The following OR4C6 variants were observed in gnomAD, a reference collection of about 807,000 sequenced individuals.
The protein encoded by OR4C6 is olfactory receptor 4C6.
In OR4C6, 20 loss-of-function variants were observed where a neutral mutation model predicts 13.9. The observed-to-expected ratio is 1.43, with a 90% CI of 1.01 to 2.08. The LOEUF (loss-of-function observed/expected upper bound fraction) is 2.08, where lower values mean the gene tolerates loss of function less well. OR4C6 is among the 30% of genes most tolerant of loss of function. OR4C6 has a pLI of 0.00. For synonymous variants in OR4C6, 193 were observed against 141.5 expected (o/e 1.36, Z -2.58); for missense variants, 555 against 381.2 (o/e 1.46, Z -3.80).
Position 55,665,761 on chromosome 11 carries a change from C to T in OR4C6, c.595C>T (p.Leu199Phe), listed in dbSNP as rs751563358. 2 of 1,613,892 alleles carry T rather than the reference C, an allele frequency of 1.2e-6. No homozygotes were observed. The highest frequency in any genetic ancestry group is 1.1e-5 in the South Asian group (1 of 91,080). ...DTHILGLLVT[L>F]NSGMMCVAIF... ...CCACATCCTGGGCCTCTTAGTTACCCTCAACAGTGGGATGATGTGTGTGGC... is the reference window on the plus strand; with the variant it reads ...CCACATCCTGGGCCTCTTAGTTACCTTCAACAGTGGGATGATGTGTGTGGC... The change falls in exon 2 of 2, where the codon CTC becomes TTC. Residue 199 changes from leucine to phenylalanine, a missense_variant. Leu to Phe is a conservative substitution (Grantham distance 22, BLOSUM62 0). Transcript: ENST00000314259.
At chr11:55,665,054 A>G in intron 1 of OR4C6, 71 bp from the exon 2 acceptor site, 2 of 671,726 alleles carry the variant, frequency 3.0e-6, no homozygotes, top group Non-Finnish European at 2.6e-6. Flanking sequence ...CAAAGAACAA[A>G]TTCCCTGAGG....
At chr11:55,665,013 A>T (rs1858718018) in intron 1 of OR4C6, 112 bp from the exon 2 acceptor site, 1 of 585,730 alleles carries the variant, frequency 1.7e-6, no homozygotes, top group East Asian at 2.8e-5. Context: ...TTAGAAGTCA[A>T]ATGCCTAGAT....
At position 55,665,703 on chromosome 11, in the gene OR4C6, G is replaced by C. The variant is rs1858736427; in HGVS notation, c.537G>C (p.Leu179Phe). 6.2e-7 allele frequency: 1 copy of C among 1,613,912 alleles called. No individual in the cohort carries two copies. Among genetic ancestry groups the C allele is most frequent in the Non-Finnish European group, 8.5e-7 (1 of 1,179,996 alleles). ...TCATAGATCACTTTATATGTGATTTGTTTCAGTTGTTGACACTTGCCTGCA... is the reference window on the plus strand; with the variant it reads ...TCATAGATCACTTTATATGTGATTTCTTTCAGTTGTTGACACTTGCCTGCA... ...PNIIDHFICD[L>F]FQLLTLACTD... Residue 179 changes from leucine (L) to phenylalanine (F), a missense_variant, in exon 2 of 2, where the codon TTG becomes TTC. Leu to Phe is a conservative substitution (Grantham distance 22). Coordinates refer to ENST00000314259, the MANE Select transcript of OR4C6 (RefSeq NM_001004704.2).
rs1432290746 is a variant in OR4C6, at chr11:55,665,321, G to T, written c.155G>T (p.Ser52Ile). Residue 52 changes from serine (S) to isoleucine (I), a missense_variant, in exon 2 of 2, where the codon AGT becomes ATT. Coordinates refer to ENST00000314259, the MANE Select transcript of OR4C6 (RefSeq NM_001004704.2). ...LIVVTIITSQ[S>I]LRSPMYFFLT... is the part of the protein sequence containing the mutation. ...GTGGTAACTATTATCACAAGTCAGA[G>T]TCTGAGGTCACCTATGTATTTTTTT... 2.1e-5 allele frequency: 34 copies of T among 1,613,688 alleles called. 1 individual carries two copies. In the Admixed American group the frequency reaches 5.0e-4, roughly 24 times the overall value.
In OR4C6 at chr11:55,665,982, A is replaced by T. The variant is rs755302798; in HGVS notation, c.816A>T (p.Ser272=). The T allele has an allele frequency of 3.4e-5, 55 of 1,613,512 alleles. No individual in the cohort carries two copies. The highest frequency in any genetic ancestry group is 4.2e-6 in the Non-Finnish European group (5 of 1,179,704). Residue 272 remains serine (S), a synonymous_variant, in exon 2 of 2, where the codon TCA becomes TCT. Coordinates refer to ENST00000314259, the MANE Select transcript of OR4C6 (RefSeq NM_001004704.2). ...THPIDKAMAV[S]DSIITPMLNP... is the part of the protein sequence containing the mutation. The stretch of plus-strand genomic sequence containing the variant: ...CCATAGACAAGGCAATGGCTGTGTC[A>T]GACTCAATCATCACACCCATGTTAA...
chr11:55,665,449 T>G lies in OR4C6; in HGVS notation c.283T>G (p.Cys95Gly). 3.7e-6 allele frequency: 6 copies of G among 1,613,878 alleles called. No homozygotes were observed. The highest frequency in any genetic ancestry group is 5.1e-6 in the Non-Finnish European group (6 of 1,179,996). ...SKSTTISLKG[C>G]LTQLFVEHFF... is the part of the protein sequence containing the mutation. ...GAGCACTACCATCTCTCTCAAAGGC[T>G]GCCTCACCCAGCTGTTTGTGGAGCA... Residue 95 changes from cysteine to glycine, a missense_variant, in exon 2 of 2, where the codon TGC (cysteine) becomes GGC (glycine). Transcript: ENST00000314259.
chr11:55,665,739 C>A lies in OR4C6; in HGVS notation c.573C>A (p.His191Gln), dbSNP rs762109098. ...QLLTLACTDT[H>Q]ILGLLVTLNS... ...TGACACTTGCCTGCACGGACACCCA[C>A]ATCCTGGGCCTCTTAGTTACCCTCA... The change falls in exon 2 of 2, where the codon CAC becomes CAA. Residue 191 changes from histidine (H) to glutamine (Q), a missense_variant. By Grantham distance (24) the His-to-Gln change is conservative. Coordinates refer to ENST00000314259, the MANE Select transcript of OR4C6 (RefSeq NM_001004704.2). 1.9e-6 allele frequency: 3 copies of A among 1,613,838 alleles called. No homozygotes were observed. Among genetic ancestry groups the A allele is most frequent in the Admixed American group, 1.7e-5 (1 of 59,986 alleles).
Position 55,665,834 on chromosome 11 carries a change from T to G in OR4C6, c.668T>G (p.Leu223Arg), listed in dbSNP as rs146011191. 1.7e-5 allele frequency: 27 copies of G among 1,613,838 alleles called. No homozygotes were observed. The highest frequency in any genetic ancestry group is 2.3e-5 in the Non-Finnish European group (27 of 1,180,028). ...TCCTACACGGTCATCCTATGCTCCC[T>G]GAAGTCTTACAGCTCTAAAGGGCGG... The part of the protein sequence containing the change: ...IASYTVILCS[L>R]KSYSSKGRHK... Residue 223 changes from leucine (L) to arginine (R), a missense_variant, in exon 2 of 2, where the codon CTG becomes CGG. Leu to Arg is a moderately radical substitution (Grantham distance 102). Transcript: ENST00000314259.
rs1349430862 is a variant in OR4C6, at chr11:55,662,945, C to T, written c.-43+697C>T. Among the ~76,000 whole-genome samples, 39 of 138,812 alleles carry T rather than the reference C, an allele frequency of 2.8e-4. 11 individuals are homozygous for T. The highest frequency in any genetic ancestry group is 8.0e-5 in the Non-Finnish European group (5 of 62,502). 91.1% of individuals were successfully genotyped at this position (138,812 alleles called of 152,430 possible). ...TGCTTCAGAAAATCCAGTCATAATA[C>T]TTATTTCATATGGCCGTTCATGATA... On this transcript the variant is annotated intron_variant, in intron 1 of 1. Coordinates refer to ENST00000314259, the MANE Select transcript of OR4C6 (RefSeq NM_001004704.2).
Position 55,665,146 on chromosome 11 carries a change from A to G in OR4C6, c.-21A>G. 1 of 1,471,738 alleles carries G rather than the reference A, an allele frequency of 6.8e-7. No homozygotes were observed. Among genetic ancestry groups the G allele is most frequent in the Non-Finnish European group, 9.4e-7 (1 of 1,063,876 alleles). The allele number at this position is 1,471,738 out of a possible 1,614,324, so 91.2% of individuals were successfully genotyped here. On this transcript the variant is annotated 5_prime_UTR_variant, in exon 2 of 2. Coordinates refer to ENST00000314259, the MANE Select transcript of OR4C6 (RefSeq NM_001004704.2). ...TTAGGATTCTCAACTCTCAGCTGGAACTCATATCAACACCTGAGAAATGGA... is the reference window on the plus strand; with the variant it reads ...TTAGGATTCTCAACTCTCAGCTGGAGCTCATATCAACACCTGAGAAATGGA...
Position 55,665,869 on chromosome 11 carries a change from C to T in OR4C6, c.703C>T (p.Leu235Phe). 6.2e-7 allele frequency: 1 copy of T among 1,613,934 alleles called. No individual in the cohort carries two copies. Among genetic ancestry groups the T allele is most frequent in the Non-Finnish European group, 8.5e-7 (1 of 1,179,998 alleles). ...SYSSKGRHKA[L>F]STCSSHLTVV... is the part of the protein sequence containing the mutation. Reference sequence around the variant, plus strand: ...CAGCTCTAAAGGGCGGCACAAAGCCCTCTCTACCTGCAGCTCCCACCTCAC... The same window carrying T: ...CAGCTCTAAAGGGCGGCACAAAGCCTTCTCTACCTGCAGCTCCCACCTCAC... The change falls in exon 2 of 2, where the codon CTC (leucine) becomes TTC (phenylalanine). Residue 235 changes from leucine to phenylalanine, a missense_variant. Physicochemically the swap from Leu to Phe is conservative, Grantham distance 22 (BLOSUM62 0). Transcript: ENST00000314259.
In OR4C6 at chr11:55,666,052, A is replaced by G. The variant is rs762535076; in HGVS notation, c.886A>G (p.Met296Val). The G allele has an allele frequency of 1.5e-5, 25 of 1,613,546 alleles. No individual in the cohort carries two copies. The change falls in exon 2 of 2, where the codon ATG (methionine) becomes GTG (valine). Residue 296 changes from methionine (M) to valine (V), a missense_variant. Physicochemically the swap from Met to Val is conservative, Grantham distance 21. Transcript: ENST00000314259. ...TLRNAEVKSAMKKLWMKWEAL... is the reference protein window; with the variant it reads ...TLRNAEVKSAVKKLWMKWEAL... ...GAGGAATGCAGAGGTGAAAAGTGCC[A>G]TGAAGAAACTCTGGATGAAATGGGA...
chr11:55,666,004 T>G lies in OR4C6; in HGVS notation c.838T>G (p.Leu280Val). 8 of 1,613,738 alleles carry G rather than the reference T, an allele frequency of 5.0e-6. No homozygotes were observed. Among genetic ancestry groups the G allele is most frequent in the Non-Finnish European group, 6.8e-6 (8 of 1,179,810 alleles). The change falls in exon 2 of 2, where the codon TTA (leucine) becomes GTA (valine). Residue 280 changes from leucine (L) to valine (V), a missense_variant. Physicochemically the swap from Leu to Val is conservative, Grantham distance 32 (BLOSUM62 1). Coordinates refer to ENST00000314259, the MANE Select transcript of OR4C6 (RefSeq NM_001004704.2). Reference sequence around the variant, plus strand: ...GTCAGACTCAATCATCACACCCATGTTAAATCCCTTGATCTATACACTGAG... The same window carrying G: ...GTCAGACTCAATCATCACACCCATGGTAAATCCCTTGATCTATACACTGAG... The part of the protein sequence containing the change: ...AVSDSIITPM[L>V]NPLIYTLRNA...
In OR4C6 at chr11:55,665,651, A is replaced by T; in HGVS notation, c.485A>T (p.Tyr162Phe). The T allele has an allele frequency of 6.2e-7, 1 of 1,613,880 alleles. No homozygotes were observed. Among genetic ancestry groups the T allele is most frequent in the Admixed American group, 1.7e-5 (1 of 59,990 alleles). ...GCAATGATACAACTTCTCTTCATGT[A>T]TCAAATACCCTTCTGTGGTCCTAAT... Reference protein sequence around the residue: ...MHAMIQLLFMYQIPFCGPNII... With the variant: ...MHAMIQLLFMFQIPFCGPNII... The change falls in exon 2 of 2, where the codon TAT becomes TTT. Residue 162 changes from tyrosine to phenylalanine, a missense_variant. Tyr to Phe is a conservative substitution (Grantham distance 22). Coordinates refer to ENST00000314259, the MANE Select transcript of OR4C6 (RefSeq NM_001004704.2).
chr11:55,665,824 C>G lies in OR4C6; in HGVS notation c.658C>G (p.Leu220Val). The G allele has an allele frequency of 6.2e-7, 1 of 1,613,910 alleles. No homozygotes were observed. Among genetic ancestry groups the G allele is most frequent in the Non-Finnish European group, 8.5e-7 (1 of 1,180,016 alleles). Residue 220 changes from leucine (L) to valine (V), a missense_variant, in exon 2 of 2, where the codon CTA becomes GTA. Coordinates refer to ENST00000314259, the MANE Select transcript of OR4C6 (RefSeq NM_001004704.2). ...CTTAATTGCGTCCTACACGGTCATC[C>G]TATGCTCCCTGAAGTCTTACAGCTC... The part of the protein sequence containing the change: ...LILIASYTVI[L>V]CSLKSYSSKG...
rs1590486664 is a variant in OR4C6 at position 55,662,658 on chromosome 11, T to A, written c.-43+410T>A. On this transcript the variant is annotated intron_variant, in intron 1 of 1. Transcript: ENST00000314259. ...GGCGGTAGGCAGTGGGGAGAATTGG[T>A]TGACTGAGGGCATAGACAGAGGCAC... is the stretch of plus-strand genomic sequence containing the variant. Among the ~76,000 whole-genome samples, 2 of 138,542 alleles carry A rather than the reference T, an allele frequency of 1.4e-5. 1 individual carries two copies. The highest frequency in any genetic ancestry group is 1.6e-4 in the Admixed American group (2 of 12,738). 90.9% of individuals were successfully genotyped at this position (138,542 alleles called of 152,430 possible).
rs1237563882 is a variant in OR4C6 at position 55,663,920 on chromosome 11, A to G, written c.-42-1205A>G. Among the ~76,000 whole-genome samples the G allele has an allele frequency of 6.5e-5, 9 of 138,194 alleles. 2 individuals are homozygous for G. Among genetic ancestry groups the G allele is most frequent in the Admixed American group, 6.3e-4 (8 of 12,712 alleles). The allele number at this position is 138,194 out of a possible 152,430, so 90.7% of individuals were successfully genotyped here. Reference sequence around the variant, plus strand: ...TTTTGCAAAATTTCTTAGATGTGGCATCCAGGTCTGCTTTATAGTCCCTAG... The same window carrying G: ...TTTTGCAAAATTTCTTAGATGTGGCGTCCAGGTCTGCTTTATAGTCCCTAG... On this transcript the variant is annotated intron_variant, in intron 1 of 1. Coordinates refer to ENST00000314259, the MANE Select transcript of OR4C6 (RefSeq NM_001004704.2).
At chr11:55,663,238 G>C (rs1858691878) in intron 1 of OR4C6, among the ~76,000 whole-genome samples, 1 of 137,460 alleles carries the variant, frequency 7.3e-6, no homozygotes, top group Admixed American at 7.9e-5. Context: ...GACTGATGGT[G>C]GAATAAATAC....
Position 55,665,625 on chromosome 11 carries a change from C to T in OR4C6, c.459C>T (p.His153=), listed in dbSNP as rs144378683. ...GGGCTTGGGTGGGGGGATTTATGCA[C>T]GCAATGATACAACTTCTCTTCATGT... The part of the protein sequence containing the change: ...VGGAWVGGFM[H]AMIQLLFMYQ... Residue 153 remains histidine, a synonymous_variant, in exon 2 of 2, where the codon CAC becomes CAT. Coordinates refer to ENST00000314259, the MANE Select transcript of OR4C6 (RefSeq NM_001004704.2). The T allele has an allele frequency of 2.5e-5, 40 of 1,613,558 alleles. No individual in the cohort carries two copies. The highest frequency in any genetic ancestry group is 5.5e-5 in the South Asian group (5 of 91,070).
Sources: allele counts gnomAD v4.1 joint callset (sites outside exome capture counted in the v4.1 genomes callset), GRCh38; gene constraint gnomAD v4.1.1; transcripts MANE v1.5; gene names NCBI Gene and HGNC (gene_info 2026-07-23, HGNC 2026-07-21).